ATG2A: variants seen among roughly 807,000 people sequenced by gnomAD.
ATG2A encodes the protein autophagy related 2A.
ATG2A carries 103 observed loss-of-function variants against 214.2 expected under a neutral mutation model. The observed-to-expected ratio is 0.48, with a 90% confidence interval of 0.41 to 0.57. ATG2A has a LOEUF of 0.57. ATG2A is among the 20% of genes least tolerant of loss of function. The pLI is 0.00. For synonymous variants in ATG2A, 1,160 were observed against 1,142.1 expected (o/e 1.02, Z -0.32); for missense variants, 2,312 against 2,613.2 (o/e 0.88, Z 2.51).
In ATG2A at chr11:64,913,851, C is replaced by T. The variant is rs770103277; in HGVS notation, c.560G>A (p.Arg187His). 3.2e-5 allele frequency: 52 copies of T among 1,613,784 alleles called. No individual in the cohort carries two copies. Among genetic ancestry groups the T allele is most frequent in the Middle Eastern group, 3.3e-4 (2 of 6,084 alleles). The change falls in exon 4 of 41, where the codon CGT becomes CAT. Residue 187 changes from arginine (R) to histidine (H), a missense_variant. Physicochemically the swap from Arg to His is conservative, Grantham distance 29 (BLOSUM62 0). Transcript: ENST00000377264. This position sits in a 1 kb window ranked among gnomAD's most constrained non-coding sequence, Gnocchi z 4.3. Reference protein sequence around the residue: ...RVEHSPGDGERGVAVEVRVQR... With the variant: ...RVEHSPGDGEHGVAVEVRVQR... Reference sequence around the variant, plus strand: ...CACACGGACCTCGACGGCCACACCACGTTCCCCATCACCCGGAGAGTGCTC... The same window carrying T: ...CACACGGACCTCGACGGCCACACCATGTTCCCCATCACCCGGAGAGTGCTC...
chr11:64,913,778 C>G lies in ATG2A; in HGVS notation c.590+43G>C. 1.9e-6 allele frequency: 3 copies of G among 1,587,384 alleles called. No individual in the cohort carries two copies. The highest frequency in any genetic ancestry group is 1.7e-4 in the Middle Eastern group (1 of 6,000). On this transcript the variant is annotated intron_variant, in intron 4 of 40. Coordinates refer to ENST00000377264, the MANE Select transcript of ATG2A (RefSeq NM_015104.3). The surrounding 1 kb of genome is among the most constrained non-coding windows in gnomAD (Gnocchi z 4.3). Reference sequence around the variant, plus strand: ...TGGGGACCATCCAGCAGCCCCCACTCCCCATCTTCACACCAGTCCACCCCA... The same window carrying G: ...TGGGGACCATCCAGCAGCCCCCACTGCCCATCTTCACACCAGTCCACCCCA...
In ATG2A at chr11:64,907,742, C is replaced by G. The variant is rs1944606944; in HGVS notation, c.2507+6G>C. 1 of 1,612,998 alleles carries G rather than the reference C, an allele frequency of 6.2e-7. No individual in the cohort carries two copies. Among genetic ancestry groups the G allele is most frequent in the Non-Finnish European group, 8.5e-7 (1 of 1,179,908 alleles). ...CAGTCCCGCCCTGCTGGCCCCGGGT[C>G]TCCACCTGTTGTAGATGCTCTCGTA... On this transcript the variant is annotated splice_donor_region_variant and intron_variant, in intron 17 of 40. Transcript: ENST00000377264.
At position 64,914,991 on chromosome 11, in the gene ATG2A, G is replaced by A. The variant is rs909751470; in HGVS notation, c.172-491C>T. On this transcript the variant is annotated intron_variant, in intron 1 of 40. Transcript: ENST00000377264. The stretch of plus-strand genomic sequence containing the variant: ...AAGAATAAAGGGAGGGGGGATAGGC[G>A]CTGGTAGAAGGTGGTGTGTTGCAGG... Among the ~76,000 whole-genome samples, 7 of 151,920 alleles carry A rather than the reference G, an allele frequency of 4.6e-5. No homozygotes were observed. The East Asian group carries it at 7.7e-4, about 17-fold the overall frequency.
chr11:64,903,491 G>A lies in ATG2A; in HGVS notation c.3535+99C>T. 2 of 1,480,398 alleles carry A rather than the reference G, an allele frequency of 1.4e-6. No homozygotes were observed. The highest frequency in any genetic ancestry group is 1.8e-6 in the Non-Finnish European group (2 of 1,088,880). 91.7% of individuals were successfully genotyped at this position (1,480,398 alleles called of 1,614,324 possible). ...GTGCGGGCTACGTGTGGGAGCTAAG[G>A]ACCCGGCCAGCAGCTGCGGGGAGAC... On this transcript the variant is annotated intron_variant, in intron 25 of 40. Transcript: ENST00000377264. The surrounding 1 kb of genome is among the most constrained non-coding windows in gnomAD (Gnocchi z 4.2).
At chr11:64,902,942 G>A (rs1223611776) in intron 26 of ATG2A, among the ~76,000 whole-genome samples, 1 of 134,996 alleles carries the variant, frequency 7.4e-6, no homozygotes, top group Non-Finnish European at 1.6e-5. Context: ...TCCCCGTGAA[G>A]GGCTCTGCAT....
At chr11:64,902,480 G>C in intron 27 of ATG2A, 36 bp downstream of exon 27, 1 of 1,534,370 alleles carries the variant, frequency 6.5e-7, no homozygotes, top group South Asian at 1.2e-5. Flanking sequence ...GCCTGGCCGA[G>C]CTCTGGTAGC....
At chr11:64,908,130 T>C (rs1299122422) in intron 16 of ATG2A, among the ~76,000 whole-genome samples, 1 of 152,190 alleles carries the variant, frequency 6.6e-6, no homozygotes, top group Non-Finnish European at 1.5e-5. Flanking sequence ...ACACAGGTTA[T>C]GGTTAGGCTG....
At chr11:64,897,521 A>C in intron 36 of ATG2A, 27 bp from the exon 37 acceptor site, 1 of 1,586,882 alleles carries the variant, frequency 6.3e-7, no homozygotes. Context: ...GTCCAGGTTT[A>C]CCCAATGGGA....
chr11:64,916,800 A>C, intron 1 of ATG2A, 165 bp downstream of exon 1: 4 of 881,524 alleles, frequency 4.5e-6, no homozygotes, highest in East Asian at 2.7e-5. Flanking sequence ...CTGGTAAGGA[A>C]CTGAAGAGGC....
Position 64,917,052 on chromosome 11 carries a change from G to T in ATG2A, c.84C>A (p.Phe28Leu). The T allele has an allele frequency of 6.2e-7, 1 of 1,613,826 alleles. No individual in the cohort carries two copies. Among genetic ancestry groups the T allele is most frequent in the Non-Finnish European group, 8.5e-7 (1 of 1,180,012 alleles). ...RYLLHHYLGH[F>L]FQEHLSLDQL... ...GGTCCAGGCTGAGGTGCTCTTGGAA[G>T]AAGTGACCTAAGTAGTGGTGCAGCA... The change falls in exon 1 of 41, where the codon TTC becomes TTA. Residue 28 changes from phenylalanine to leucine, a missense_variant. By Grantham distance (22) the Phe-to-Leu change is conservative. Transcript: ENST00000377264.
chr11:64,914,800 AAAATGTCTTCATTCCCCAGCCAAG>A (rs1433268901), intron 1 of ATG2A, among the ~76,000 whole-genome samples: 1 of 152,060 alleles, frequency 6.6e-6, no homozygotes, highest in African/African-American at 2.4e-5. Context: ...ATGGGTAAAT[AAAATGTCTTCATTCCCCAGCCAAG>A]CTAGGCTCCA....
At position 64,906,464 on chromosome 11, in the gene ATG2A, G is replaced by C. The variant is rs1367781235; in HGVS notation, c.3053C>G (p.Ala1018Gly). The stretch of plus-strand genomic sequence containing the variant: ...TTCCTCCGATGGGTAGATGGTTGGG[G>C]CCAGCTGAGCCGGGGGAGCGAAACT... ...LPSFAPPAQL[A>G]PTIYPSEEGV... The change falls in exon 21 of 41, where the codon GCC becomes GGC. Residue 1018 changes from alanine to glycine, a missense_variant. By Grantham distance (60) the Ala-to-Gly change is moderately conservative. Transcript: ENST00000377264. 9 of 1,613,232 alleles carry C rather than the reference G, an allele frequency of 5.6e-6. No individual in the cohort carries two copies. Among genetic ancestry groups the C allele is most frequent in the Non-Finnish European group, 7.6e-6 (9 of 1,180,006 alleles).
rs1349757532 is a variant in ATG2A, at chr11:64,903,833, G to C, written c.3465-173C>G. Among the ~76,000 whole-genome samples the C allele has an allele frequency of 6.6e-6, 1 of 152,228 alleles. No individual in the cohort carries two copies. The highest frequency in any genetic ancestry group is 2.4e-5 in the African/African-American group (1 of 41,450). On this transcript the variant is annotated intron_variant, in intron 24 of 40. Coordinates refer to ENST00000377264, the MANE Select transcript of ATG2A (RefSeq NM_015104.3). The surrounding 1 kb of genome is among the most constrained non-coding windows in gnomAD (Gnocchi z 4.2). Reference sequence around the variant, plus strand: ...GCCCAGACAGCAGGCAGTGGGAAGCGGGCAGCACTTGCAGCTCTCAAAGTG... The same window carrying C: ...GCCCAGACAGCAGGCAGTGGGAAGCCGGCAGCACTTGCAGCTCTCAAAGTG...
At chr11:64,897,352 G>T in intron 37 of ATG2A, 60 bp downstream of exon 37, 1 of 1,534,952 alleles carries the variant, frequency 6.5e-7, no homozygotes, top group South Asian at 1.2e-5. Flanking sequence ...CAACCAGTCA[G>T]GACCAGAACA....
chr11:64,914,262 G>A (rs1233795282), intron 2 of ATG2A, 29 bp from the exon 3 acceptor site: 2 of 1,550,980 alleles, frequency 1.3e-6, no homozygotes, highest in Admixed American at 3.9e-5. Flanking sequence ...TCTCAAGGCA[G>A]GCAGGCCCAG....
chr11:64,911,411 G>T, intron 9 of ATG2A, 136 bp from the exon 10 acceptor site: 1 of 877,356 alleles, frequency 1.1e-6, no homozygotes, highest in South Asian at 1.6e-5. Flanking sequence ...GGCTTGGTCA[G>T]GCAGGGGTGA....
rs769804012 is a variant in ATG2A, at chr11:64,906,134, G to A, written c.3243C>T (p.Pro1081=). Residue 1081 remains proline, a synonymous_variant, in exon 22 of 41, where the codon CCC becomes CCT. Transcript: ENST00000377264. ...KATLRHYMAL[P]EQSWHSQLLE... is the part of the protein sequence containing the mutation. ...TCACCTGGGAATGCCAGCTCTGCTC[G>A]GGCAGGGCCATGTAGTGGCGCAAGG... The A allele has an allele frequency of 6.3e-6, 10 of 1,592,240 alleles. No homozygotes were observed. Among genetic ancestry groups the A allele is most frequent in the African/African-American group, 5.4e-5 (4 of 74,506 alleles).
intron 13 of ATG2A, 51 bp downstream of exon 13, chr11:64,909,989 G>T (rs934962907): frequency 6.4e-7 from 1 of 1,565,478 alleles, no homozygotes; most frequent in Non-Finnish European, 8.6e-7. Context: ...AGAGCCGAAG[G>T]ACCCAGGCCC....
intron 1 of ATG2A, among the ~76,000 whole-genome samples, 182 bp from the exon 2 acceptor site, chr11:64,914,682 C>G (rs542453113): frequency 2.0e-5 from 3 of 152,174 alleles, no homozygotes; most frequent in African/African-American, 7.2e-5. Context: ...CCCCCTACCC[C>G]GTCACCCAAA....
Sources: allele counts gnomAD v4.1 joint callset (sites outside exome capture counted in the v4.1 genomes callset), GRCh38; gene constraint gnomAD v4.1.1; non-coding constraint Gnocchi (gnomAD v3.1); transcripts MANE v1.5; gene names NCBI Gene and HGNC (gene_info 2026-07-23, HGNC 2026-07-21).